SHANK2: variants seen among roughly 807,000 people sequenced by gnomAD.
SHANK2 encodes SH3 and multiple ankyrin repeat domains 2, also known as SH3 and multiple ankyrin repeat domains protein 2.
A neutral mutation model predicts 133.7 loss-of-function variants in SHANK2; 43 were observed. The ratio of observed to expected loss-of-function variants is 0.32; its 90% CI spans 0.25 to 0.41. The LOEUF (loss-of-function observed/expected upper bound fraction) is 0.41, where lower values mean the gene tolerates loss of function less well. SHANK2 is among the 10% of genes least tolerant of loss of function. SHANK2 has a pLI of 1.00. For synonymous variants in SHANK2, 1,017 were observed against 952.8 expected (o/e 1.07, Z -1.24); for missense variants, 1,994 against 2,235.8 (o/e 0.89, Z 2.18).
intron 14 of SHANK2, among the ~76,000 whole-genome samples, chr11:70,742,015 T>A (rs1307451543): frequency 1.3e-5 from 2 of 152,238 alleles, no homozygotes; most frequent in African/African-American, 4.8e-5. Flanking sequence ...AGGACTGGTC[T>A]CTTCCGAGTC....
intron 14 of SHANK2, among the ~76,000 whole-genome samples, chr11:70,700,728 T>C (rs77819564): frequency 0.016 from 2,492 of 152,208 alleles, 48 homozygotes; most frequent in African/African-American, 0.048. Context: ...ACTGCAGGGA[T>C]TAGAAGAATT....
chr11:71,098,122 T>C (rs1484557201), intron 6 of SHANK2, among the ~76,000 whole-genome samples: 1 of 149,986 alleles, frequency 6.7e-6, no homozygotes, highest in Admixed American at 6.6e-5. Context: ...CATGCCTGTA[T>C]GTATGTGTAC....
chr11:71,152,719 A>AG, intron 2 of SHANK2, among the ~76,000 whole-genome samples: 1 of 152,142 alleles, frequency 6.6e-6, no homozygotes, highest in Non-Finnish European at 1.5e-5. Context: ...AGGTGAGCAG[A>AG]GAGGAGGAGA....
chr11:70,924,264 C>T (rs1555081158), intron 10 of SHANK2, among the ~76,000 whole-genome samples: 2 of 151,952 alleles, frequency 1.3e-5, no homozygotes, highest in African/African-American at 4.8e-5. Context: ...TGCCCCAGAG[C>T]AGGTCTCTCC....
chr11:70,919,450 C>T (rs1427020151), intron 10 of SHANK2, among the ~76,000 whole-genome samples: 2 of 151,756 alleles, frequency 1.3e-5, no homozygotes, highest in African/African-American at 4.8e-5. Flanking sequence ...GGCACGATCT[C>T]GGCTCACTGC....
intron 2 of SHANK2, among the ~76,000 whole-genome samples, chr11:71,158,681 G>A (rs1232036650): frequency 6.6e-6 from 1 of 152,172 alleles, no homozygotes; most frequent in Non-Finnish European, 1.5e-5. Context: ...AGACTAAGAG[G>A]AGACTCATTC....
chr11:71,140,983 C>G (rs1365280528), intron 3 of SHANK2, among the ~76,000 whole-genome samples: 1 of 152,204 alleles, frequency 6.6e-6, no homozygotes, highest in Non-Finnish European at 1.5e-5. Flanking sequence ...GGCTGGGTGT[C>G]CCCAGGACAG....
At chr11:70,919,468 G>T (rs577883611) in intron 10 of SHANK2, among the ~76,000 whole-genome samples, 1 of 151,060 alleles carries the variant, frequency 6.6e-6, no homozygotes, top group Admixed American at 6.6e-5. Flanking sequence ...TGCAACCTCC[G>T]CCTCCCAGGT....
At chr11:71,239,655 C>G (rs1229314190) in intron 1 of SHANK2, among the ~76,000 whole-genome samples, 2 of 151,936 alleles carry the variant, frequency 1.3e-5, no homozygotes, top group African/African-American at 4.8e-5. Flanking sequence ...GTCTTGTTTT[C>G]TAGAGACAGG....
At chr11:71,095,520 A>G (rs565038231) in intron 6 of SHANK2, among the ~76,000 whole-genome samples, 1 of 152,286 alleles carries the variant, frequency 6.6e-6, no homozygotes, top group South Asian at 2.1e-4. Context: ...CCAGGACAAC[A>G]CACAAGTTCC....
chr11:70,757,668 G>C (rs1238422189), intron 14 of SHANK2, among the ~76,000 whole-genome samples: 1 of 152,212 alleles, frequency 6.6e-6, no homozygotes, highest in East Asian at 1.9e-4. Context: ...AAGGAGAGAG[G>C]GAGGGGGCTT....
At chr11:70,709,085 C>T (rs1463424806) in intron 14 of SHANK2, among the ~76,000 whole-genome samples, 1 of 152,182 alleles carries the variant, frequency 6.6e-6, no homozygotes, top group Non-Finnish European at 1.5e-5. Flanking sequence ...GTGGCATGTG[C>T]CTATAATCCC....
chr11:70,711,237 C>T (rs1945775252), intron 14 of SHANK2, among the ~76,000 whole-genome samples: 1 of 152,212 alleles, frequency 6.6e-6, no homozygotes, highest in Non-Finnish European at 1.5e-5. Context: ...GCTCTGGCCA[C>T]CCTTCCTGCC....
intron 4 of SHANK2, 46 bp from the exon 5 acceptor site, chr11:71,113,410 T>C: frequency 6.6e-7 from 1 of 1,505,446 alleles, no homozygotes; most frequent in Non-Finnish European, 9.1e-7. Flanking sequence ...TCAATACTTC[T>C]CAGAGTTGTT....
intron 2 of SHANK2, among the ~76,000 whole-genome samples, chr11:71,210,052 T>C (rs1410324567): frequency 2.0e-5 from 3 of 150,788 alleles, no homozygotes; most frequent in Non-Finnish European, 4.4e-5. Flanking sequence ...GACCCCAAAA[T>C]GTGAAGAACA....
chr11:70,468,862 C>T lies in SHANK2; in HGVS notation c.*4007G>A, dbSNP rs372949273. On this transcript the variant is annotated 3_prime_UTR_variant, in exon 26 of 26. Coordinates refer to ENST00000601538, the MANE Select transcript of SHANK2 (RefSeq NM_012309.5). ...TGGTGAGGCCAAAGAAGAAGTTCAA[C>T]GTTTAGGTTTAAAATATGCTTCCCT... The T allele has an allele frequency of 1.3e-5, 2 of 152,324 alleles. No individual in the cohort carries two copies. The highest frequency in any genetic ancestry group is 1.9e-4 in the East Asian group (1 of 5,182). 9.4% of individuals were successfully genotyped at this position (152,324 alleles called of 1,614,324 possible).
intron 14 of SHANK2, among the ~76,000 whole-genome samples, chr11:70,707,582 G>A (rs1466795396): frequency 2.0e-5 from 3 of 151,916 alleles, no homozygotes; most frequent in South Asian, 4.2e-4. Context: ...TAAATCTCTC[G>A]CTAGCTACAC....
At chr11:70,674,166 T>G (rs1555016698) in intron 15 of SHANK2, among the ~76,000 whole-genome samples, 1 of 152,192 alleles carries the variant, frequency 6.6e-6, no homozygotes, top group Non-Finnish European at 1.5e-5. Context: ...CCTTCCGCCA[T>G]GAGTGGAAGC....
chr11:71,086,126 TAAATTATATA>T lies in SHANK2; in HGVS notation c.912+6286_912+6295del, dbSNP rs1565442273. Among the ~76,000 whole-genome samples, 9 of 13,492 alleles carry T rather than the reference TAAATTATATA, an allele frequency of 6.7e-4. 1 individual carries two copies. The highest frequency in any genetic ancestry group is 1.6e-3 in the Non-Finnish European group (9 of 5,564). The allele number at this position is 13,492 out of a possible 152,430, so 8.9% of individuals were successfully genotyped here. On this transcript the variant is annotated intron_variant, in intron 8 of 25. Coordinates refer to ENST00000601538, the MANE Select transcript of SHANK2 (RefSeq NM_012309.5). Reference sequence around the variant, plus strand: ...TAATATATTATGTTATATAATATATTAAATTATATAATATATTATGTTATATAATATATTA... The same window carrying T: ...TAATATATTATGTTATATAATATATTATATATTATGTTATATAATATATTA...
Sources: gnomAD v4.1 joint callset for allele counts (sites outside exome capture counted in the v4.1 genomes callset) on GRCh38, gnomAD v4.1.1 for gene constraint, MANE v1.5 for transcripts, NCBI Gene and HGNC (gene_info 2026-07-23, HGNC 2026-07-21) for gene names.